DDX19B: variants seen among roughly 807,000 people sequenced by gnomAD.
DDX19B encodes the protein DEAD-box helicase 19B.
A neutral mutation model predicts 58.1 loss-of-function variants in DDX19B; 27 were observed. The observed-to-expected ratio is 0.46, with a 90% CI of 0.34 to 0.64. The LOEUF (loss-of-function observed/expected upper bound fraction) is 0.64. Ranked by LOEUF, DDX19B falls within the 30% of genes least tolerant of loss-of-function variation. The probability of loss-of-function intolerance (pLI) is 0.01; values close to 1 mark genes in which losing one functional copy is unlikely to be tolerated. For synonymous variants in DDX19B, 187 were observed against 214.4 expected (o/e 0.87, Z 1.12); for missense variants, 399 against 596.5 (o/e 0.67, Z 3.45).
Position 70,330,211 on chromosome 16 carries a change from G to A in DDX19B, c.1023+143G>A, listed in dbSNP as rs919163895. 5.7e-5 allele frequency: 52 copies of A among 907,654 alleles called. No homozygotes were observed. In the African/African-American group the frequency reaches 6.7e-4, roughly 12 times the overall value. 56.2% of individuals were successfully genotyped at this position (907,654 alleles called of 1,614,324 possible). On this transcript the variant is annotated intron_variant, in intron 9 of 11. Coordinates refer to ENST00000288071, the MANE Select transcript of DDX19B (RefSeq NM_007242.7). ...TAAGGTTTTAGTGAGTCGTAAGAGGGAGACTTTGATTCCACTTCTTAGTGA... is the reference window on the plus strand; with the variant it reads ...TAAGGTTTTAGTGAGTCGTAAGAGGAAGACTTTGATTCCACTTCTTAGTGA...
chr16:70,308,178 C>T (rs1031400959), intron 1 of DDX19B, among the ~76,000 whole-genome samples: 1 of 151,960 alleles, frequency 6.6e-6, no homozygotes, highest in African/African-American at 2.4e-5. Flanking sequence ...GTCTCGAACT[C>T]CTGACCTCAG....
At chr16:70,325,888 A>G (rs903638426) in intron 7 of DDX19B, among the ~76,000 whole-genome samples, 200 bp downstream of exon 7, 1 of 152,222 alleles carries the variant, frequency 6.6e-6, no homozygotes, top group African/African-American at 2.4e-5. Flanking sequence ...AACTGCAGAC[A>G]TGCACCTCAT....
In DDX19B at chr16:70,333,062, C is replaced by G; in HGVS notation, c.1281C>G (p.Ile427Met). The G allele has an allele frequency of 2.5e-6, 4 of 1,609,080 alleles. No individual in the cohort carries two copies. The highest frequency in any genetic ancestry group is 3.4e-6 in the Non-Finnish European group (4 of 1,177,066). ...ACAATGAGACCTACCTGCACCGGATCGGGCGCACGGGCCGCTTTGGCAAGA... is the reference window on the plus strand; with the variant it reads ...ACAATGAGACCTACCTGCACCGGATGGGGCGCACGGGCCGCTTTGGCAAGA... ...NPDNETYLHRIGRTGRFGKRG... is the reference protein window; with the variant it reads ...NPDNETYLHRMGRTGRFGKRG... The change falls in exon 11 of 12, where the codon ATC becomes ATG. Residue 427 changes from isoleucine to methionine, a missense_variant. By Grantham distance (10) the Ile-to-Met change is conservative. Transcript: ENST00000288071.
intron 1 of DDX19B, among the ~76,000 whole-genome samples, chr16:70,310,126 T>C (rs1962007602): frequency 1.3e-5 from 2 of 152,218 alleles, no homozygotes; most frequent in South Asian, 4.1e-4. Flanking sequence ...CTCATGCCTG[T>C]AATCCCAGCA....
chr16:70,294,808 C>T, upstream of DDX19B: 2 of 1,440,628 alleles, frequency 1.4e-6, no homozygotes, highest in Non-Finnish European at 1.8e-6. Context: ...GTGCCAAGAG[C>T]AGCGGTTGTT....
chr16:70,305,191 C>T (rs1449383699), intron 1 of DDX19B, among the ~76,000 whole-genome samples: 2 of 152,126 alleles, frequency 1.3e-5, no homozygotes, highest in African/African-American at 2.4e-5. Flanking sequence ...GAACTTTCCT[C>T]CCGGTCTGGC....
In DDX19B at chr16:70,299,251, C is replaced by T. The variant is rs1157217960; in HGVS notation, c.-47C>T. ...CCCCGGAGCCCACGATCCCTCGTGC[C>T]ATCCCTCGAATCCACCAGCACGAGC... On this transcript the variant is annotated 5_prime_UTR_variant, in exon 1 of 12. Transcript: ENST00000288071. 2.6e-6 allele frequency: 4 copies of T among 1,517,646 alleles called. No individual in the cohort carries two copies. Among genetic ancestry groups the T allele is most frequent in the African/African-American group, 1.4e-5 (1 of 72,078 alleles). 94.0% of individuals were successfully genotyped at this position (1,517,646 alleles called of 1,614,324 possible).
intron 5 of DDX19B, among the ~76,000 whole-genome samples, chr16:70,323,692 G>A (rs1184545421): frequency 3.9e-5 from 6 of 152,166 alleles, no homozygotes; most frequent in Middle Eastern, 6.8e-3. Flanking sequence ...CCAAAGTTCT[G>A]GGATTGCAGG....
chr16:70,290,829 T>G (rs905229065), upstream of DDX19B, among the ~76,000 whole-genome samples: 1 of 152,212 alleles, frequency 6.6e-6, no homozygotes, highest in African/African-American at 2.4e-5. Context: ...TTGCACAAGT[T>G]CACACCCAAT....
At chr16:70,322,752 C>G (rs762792341) in intron 5 of DDX19B, among the ~76,000 whole-genome samples, 2 of 151,924 alleles carry the variant, frequency 1.3e-5, no homozygotes, top group Non-Finnish European at 2.9e-5. Context: ...ATTAGCCAGA[C>G]GTGGTGGCAG....
rs181330471 is a variant in DDX19B, at chr16:70,310,865, C to A, written c.58-1744C>A. ...CTAACATGATGAAACCCTGCCTCTA[C>A]TAAAAATACAAAAAAATTAGCTGGG... On this transcript the variant is annotated intron_variant, in intron 1 of 11. Coordinates refer to ENST00000288071, the MANE Select transcript of DDX19B (RefSeq NM_007242.7). Among the ~76,000 whole-genome samples the A allele has an allele frequency of 2.0e-3, 301 of 148,580 alleles. 2 individuals are homozygous for A. Among genetic ancestry groups the A allele is most frequent in the African/African-American group, 6.3e-3 (252 of 40,264 alleles).
intron 7 of DDX19B, among the ~76,000 whole-genome samples, chr16:70,326,818 G>A (rs544904336): frequency 1.1e-4 from 17 of 151,692 alleles, no homozygotes; most frequent in Non-Finnish European, 2.1e-4. Flanking sequence ...TTATAGGTGT[G>A]AGCCACTGTG....
intron 5 of DDX19B, among the ~76,000 whole-genome samples, chr16:70,322,028 C>A (rs568245642): frequency 7.6e-5 from 11 of 145,214 alleles, no homozygotes; most frequent in African/African-American, 2.8e-4. Flanking sequence ...GAGTGAGATT[C>A]CGTCTCAAAA....
chr16:70,312,021 T>G (rs1597474945), intron 1 of DDX19B, among the ~76,000 whole-genome samples: 1 of 152,024 alleles, frequency 6.6e-6, no homozygotes, highest in East Asian at 1.9e-4. Context: ...TTTGTATTTT[T>G]GGTAGAGACG....
rs1450354374 is a variant in DDX19B, at chr16:70,334,745, C to G, written c.*1163C>G. ...CACCAAGGCCTTTGCTCCAGCCTTA[C>G]TTGGCATCTTTGCGCAAGATAGTCA... is the stretch of plus-strand genomic sequence containing the variant. On this transcript the variant is annotated 3_prime_UTR_variant, in exon 12 of 12. Coordinates refer to ENST00000288071, the MANE Select transcript of DDX19B (RefSeq NM_007242.7). The G allele has an allele frequency of 6.6e-6, 1 of 152,226 alleles. No individual in the cohort carries two copies. Among genetic ancestry groups the G allele is most frequent in the Non-Finnish European group, 1.5e-5 (1 of 68,050 alleles). The allele number at this position is 152,226 out of a possible 1,614,324, so 9.4% of individuals were successfully genotyped here.
chr16:70,292,436 C>T (rs370335239), upstream of DDX19B, among the ~76,000 whole-genome samples: 354 of 152,216 alleles, frequency 2.3e-3, 17 homozygotes, highest in South Asian at 0.068. Context: ...CGTGAGCCAT[C>T]GCGTCCGGCC....
At chr16:70,316,498 G>A (rs568392936) in intron 4 of DDX19B, among the ~76,000 whole-genome samples, 12 of 152,104 alleles carry the variant, frequency 7.9e-5, no homozygotes, top group African/African-American at 1.9e-4. Context: ...ATGAGCCACC[G>A]CACCCAGCTG....
At chr16:70,294,806 A>G, upstream of DDX19B, 1 of 1,438,852 alleles carries the variant, frequency 6.9e-7, no homozygotes, top group South Asian at 1.4e-5. Flanking sequence ...CAGTGCCAAG[A>G]GCAGCGGTTG....
intron 2 of DDX19B, among the ~76,000 whole-genome samples, chr16:70,312,977 G>A (rs185146820): frequency 6.6e-6 from 1 of 151,342 alleles, no homozygotes; most frequent in African/African-American, 2.4e-5. Context: ...TGAGTAGCTG[G>A]GACTACAGGC....
Sources: allele counts gnomAD v4.1 joint callset (sites outside exome capture counted in the v4.1 genomes callset), GRCh38; gene constraint gnomAD v4.1.1; transcripts MANE v1.5; gene names NCBI Gene and HGNC (gene_info 2026-07-23, HGNC 2026-07-21).